ESRRG: variants seen among roughly 807,000 people sequenced by gnomAD.
ESRRG encodes estrogen-related receptor gamma.
Under a neutral mutation model 44.0 loss-of-function variants are expected in ESRRG, and 13 were observed. That is an observed-to-expected ratio of 0.30 (90% CI 0.19 to 0.47). The LOEUF (loss-of-function observed/expected upper bound fraction) is 0.47, where lower values mean the gene tolerates loss of function less well. ESRRG is among the 20% of genes least tolerant of loss of function. The probability of loss-of-function intolerance (pLI) is 1.00; values close to 1 mark genes in which losing one functional copy is unlikely to be tolerated. For missense variants in ESRRG, 395 were observed against 580.6 expected (o/e 0.68, Z 3.29); for synonymous variants, 215 against 214.6 (o/e 1.00, Z -0.02).
intron 2 of ESRRG, among the ~76,000 whole-genome samples, chr1:216,663,753 A>T (rs2073161566): frequency 1.3e-5 from 2 of 152,184 alleles, no homozygotes; most frequent in Non-Finnish European, 2.9e-5. Context: ...AATTATTCTC[A>T]CATCAAAACA....
intron 3 of ESRRG, among the ~76,000 whole-genome samples, chr1:216,612,322 T>C (rs1255609648): frequency 6.6e-6 from 1 of 151,616 alleles, no homozygotes; most frequent in Non-Finnish European, 1.5e-5. Context: ...TAACATTTAC[T>C]GTTGCCCAAC....
upstream of ESRRG, among the ~76,000 whole-genome samples, chr1:216,724,552 T>C (rs767583983): frequency 1.1e-4 from 16 of 152,166 alleles, no homozygotes; most frequent in Non-Finnish European, 2.2e-4. Flanking sequence ...AGGCACCCTA[T>C]ATGCTTTAAA....
At chr1:217,105,235 C>A (rs953823709) in intron 1 of ESRRG, among the ~76,000 whole-genome samples, 7 of 152,130 alleles carry the variant, frequency 4.6e-5, no homozygotes, top group Admixed American at 3.9e-4. Context: ...TGTATCAAAT[C>A]CCCATTTAGC....
intron 3 of ESRRG, among the ~76,000 whole-genome samples, chr1:216,602,589 T>C (rs79033848): frequency 0.012 from 1,895 of 152,324 alleles, 44 homozygotes; most frequent in African/African-American, 0.043. Flanking sequence ...GGATTATCTA[T>C]TCTGAGTTAA....
At chr1:216,915,096 G>A (rs953960343) in intron 2 of ESRRG, among the ~76,000 whole-genome samples, 1 of 152,158 alleles carries the variant, frequency 6.6e-6, no homozygotes, top group Non-Finnish European at 1.5e-5. Flanking sequence ...AAACATGGGA[G>A]GGTCCCCAGA....
chr1:216,725,874 A>T (rs1245260327), upstream of ESRRG, among the ~76,000 whole-genome samples: 1 of 152,074 alleles, frequency 6.6e-6, no homozygotes, highest in South Asian at 2.1e-4. Context: ...CTGTGACAGA[A>T]CCTCTTTATT....
chr1:216,658,666 CAA>C (rs3040932), intron 2 of ESRRG, among the ~76,000 whole-genome samples: 46,105 of 130,320 alleles, frequency 0.35, 7,918 homozygotes, highest in Middle Eastern at 0.43. Context: ...ACTAAAAATA[CAA>C]AAAAAAAAAA....
At chr1:216,822,788 T>C (rs1310894713) in intron 2 of ESRRG, among the ~76,000 whole-genome samples, 3 of 152,150 alleles carry the variant, frequency 2.0e-5, no homozygotes, top group Non-Finnish European at 4.4e-5. Context: ...AAGTAGGACT[T>C]TACTTAGCAA....
intron 6 of ESRRG, among the ~76,000 whole-genome samples, chr1:216,516,686 C>T (rs1403831358): frequency 5.3e-5 from 5 of 93,514 alleles, no homozygotes; most frequent in Non-Finnish European, 8.5e-5. Flanking sequence ...GAGAGAGAAA[C>T]GACAAAAAAA....
chr1:216,655,239 T>C (rs1281773184), intron 2 of ESRRG, among the ~76,000 whole-genome samples: 1 of 152,176 alleles, frequency 6.6e-6, no homozygotes, highest in African/African-American at 2.4e-5. Flanking sequence ...AGTTTTGTAT[T>C]ACGGCTGGTT....
intron 2 of ESRRG, among the ~76,000 whole-genome samples, chr1:216,784,569 A>G (rs1022744137): frequency 1.3e-5 from 2 of 152,100 alleles, no homozygotes; most frequent in African/African-American, 4.8e-5. Flanking sequence ...CAGATTACCT[A>G]TAAACAAATA....
chr1:216,956,143 T>C (rs998373085), intron 1 of ESRRG, among the ~76,000 whole-genome samples: 8 of 152,144 alleles, frequency 5.3e-5, no homozygotes, highest in African/African-American at 1.4e-4. Context: ...GAGTTTCCTG[T>C]ATGTTTTTTT....
At chr1:216,784,115 C>A (rs187987323) in intron 2 of ESRRG, among the ~76,000 whole-genome samples, 23 of 152,068 alleles carry the variant, frequency 1.5e-4, no homozygotes, top group African/African-American at 5.5e-4. Context: ...ATTCATTATA[C>A]CAGCTAAAAT....
intron 1 of ESRRG, among the ~76,000 whole-genome samples, chr1:217,135,563 G>A (rs1052327487): frequency 1.3e-5 from 2 of 151,502 alleles, no homozygotes; most frequent in African/African-American, 4.8e-5. Context: ...CGGCGGCGGC[G>A]GCAGGGCGGC....
intron 1 of ESRRG, among the ~76,000 whole-genome samples, chr1:217,015,254 T>TG (rs2079173542): frequency 4.6e-5 from 7 of 152,272 alleles, no homozygotes; most frequent in African/African-American, 1.7e-4. Context: ...ATTTCTACCA[T>TG]CTCTTCACTG....
chr1:216,885,598 T>G (rs1458766103), intron 2 of ESRRG, among the ~76,000 whole-genome samples: 1 of 152,086 alleles, frequency 6.6e-6, no homozygotes, highest in Non-Finnish European at 1.5e-5. Flanking sequence ...GATGCAATCT[T>G]AAAGGTTTTT....
At chr1:216,509,845 A>G (rs1004468940) in intron 6 of ESRRG, among the ~76,000 whole-genome samples, 2 of 152,242 alleles carry the variant, frequency 1.3e-5, no homozygotes, top group African/African-American at 4.8e-5. Flanking sequence ...CAGACTGCTG[A>G]AGAAAATATT....
At chr1:216,612,872 T>A (rs2060862434) in intron 3 of ESRRG, among the ~76,000 whole-genome samples, 1 of 152,164 alleles carries the variant, frequency 6.6e-6, no homozygotes, top group Non-Finnish European at 1.5e-5. Flanking sequence ...CAAAAGCCAT[T>A]AATGGGAATT....
chr1:216,787,852 C>T (rs906234298), intron 2 of ESRRG, among the ~76,000 whole-genome samples: 2 of 151,932 alleles, frequency 1.3e-5, no homozygotes, highest in African/African-American at 2.4e-5. Flanking sequence ...ATAATAAGAA[C>T]GTGAAGCAGC....
Sources: gnomAD v4.1 joint callset for allele counts (sites outside exome capture counted in the v4.1 genomes callset) on GRCh38, gnomAD v4.1.1 for gene constraint, MANE v1.5 for transcripts, NCBI Gene and HGNC (gene_info 2026-07-23, HGNC 2026-07-21) for gene names.